ELAVL2: variants seen among roughly 807,000 people sequenced by gnomAD.
The protein encoded by ELAVL2 is ELAV-like protein 2.
Under a neutral mutation model 34.6 loss-of-function variants are expected in ELAVL2, and 4 were observed. The ratio of observed to expected loss-of-function variants is 0.12; its 90% CI spans 0.06 to 0.26. ELAVL2 has a LOEUF of 0.26. Ranked by LOEUF, ELAVL2 falls within the 10% of genes least tolerant of loss-of-function variation. The probability of loss-of-function intolerance (pLI) is 1.00; values close to 1 mark genes in which losing one functional copy is unlikely to be tolerated. For missense variants in ELAVL2, 432 were observed against 442.8 expected (o/e 0.98, Z 0.22); for synonymous variants, 193 against 154.8 (o/e 1.25, Z -1.83).
chr9:23,716,914 G>T (rs1238030742), intron 3 of ELAVL2, among the ~76,000 whole-genome samples: 1 of 152,176 alleles, frequency 6.6e-6, no homozygotes, highest in Non-Finnish European at 1.5e-5. Context: ...TGAGTTGAGG[G>T]CAGAGTCTAG....
chr9:23,726,268 A>G, intron 3 of ELAVL2, among the ~76,000 whole-genome samples: 1 of 152,288 alleles, frequency 6.6e-6, no homozygotes, highest in East Asian at 1.9e-4. Context: ...TTTTTATAAT[A>G]GAATTTTCCA....
intron 1 of ELAVL2, among the ~76,000 whole-genome samples, chr9:23,784,667 CTTTTT>C (rs1428174768): frequency 6.6e-6 from 1 of 152,152 alleles, no homozygotes; most frequent in Non-Finnish European, 1.5e-5. Flanking sequence ...TCAACCATTC[CTTTTT>C]ATCAAATGAA....
chr9:23,784,002 G>T (rs973490449), intron 1 of ELAVL2, among the ~76,000 whole-genome samples: 10 of 151,962 alleles, frequency 6.6e-5, no homozygotes, highest in African/African-American at 2.4e-4. Context: ...AGACCATCCT[G>T]GCTAACACGG....
At chr9:23,765,097 C>T (rs1394706648) in intron 1 of ELAVL2, 16 of 1,596,108 alleles carry the variant, frequency 1.0e-5, no homozygotes, top group Admixed American at 5.6e-5. Context: ...TTGGAGTTGC[C>T]GTCTGCAATA....
chr9:23,834,790 T>G, the ELAVL2 span, among the ~76,000 whole-genome samples: 1 of 152,058 alleles, frequency 6.6e-6, no homozygotes. Context: ...GTTATGTGAC[T>G]TCAATATATT....
At chr9:23,707,248 G>A (rs1185277430) in intron 3 of ELAVL2, among the ~76,000 whole-genome samples, 1 of 152,174 alleles carries the variant, frequency 6.6e-6, no homozygotes, top group Non-Finnish European at 1.5e-5. Flanking sequence ...ATGAAACAAG[G>A]CCAATGAATT....
intron 1 of ELAVL2, among the ~76,000 whole-genome samples, chr9:23,780,462 A>G (rs2058910668): frequency 6.6e-6 from 1 of 152,224 alleles, no homozygotes; most frequent in African/African-American, 2.4e-5. Flanking sequence ...GAAAGTTTAT[A>G]ATATTGAATC....
chr9:23,829,254 AG>A (rs1352315340), upstream of ELAVL2, among the ~76,000 whole-genome samples: 2 of 152,204 alleles, frequency 1.3e-5, no homozygotes, highest in African/African-American at 2.4e-5. Flanking sequence ...AAACCGAAAA[AG>A]TCATGAATTT....
At chr9:23,708,142 GTA>G (rs1251311974) in intron 3 of ELAVL2, among the ~76,000 whole-genome samples, 1 of 152,020 alleles carries the variant, frequency 6.6e-6, no homozygotes, top group Non-Finnish European at 1.5e-5. Context: ...CTCAAAAACA[GTA>G]TCTTTCAGTG....
chr9:23,796,739 A>AT (rs1374252451), intron 1 of ELAVL2, among the ~76,000 whole-genome samples: 1 of 152,030 alleles, frequency 6.6e-6, no homozygotes, highest in Non-Finnish European at 1.5e-5. Context: ...TAGCTCTATA[A>AT]TTTTTTTTCA....
chr9:23,794,778 A>G (rs1232069081), intron 1 of ELAVL2, among the ~76,000 whole-genome samples: 1 of 152,178 alleles, frequency 6.6e-6, no homozygotes, highest in Non-Finnish European at 1.5e-5. Flanking sequence ...TGCTCCCTAC[A>G]ATCTGGGAAG....
At chr9:23,722,301 T>C (rs957521889) in intron 3 of ELAVL2, among the ~76,000 whole-genome samples, 2 of 152,244 alleles carry the variant, frequency 1.3e-5, no homozygotes, top group African/African-American at 4.8e-5. Flanking sequence ...GAAGAATGCG[T>C]AGCTGCCTAA....
At chr9:23,827,029 G>T (rs2065338229), upstream of ELAVL2, among the ~76,000 whole-genome samples, 1 of 152,174 alleles carries the variant, frequency 6.6e-6, no homozygotes, top group African/African-American at 2.4e-5. Context: ...TGTTAGAATA[G>T]AAAAGTGTAG....
intron 1 of ELAVL2, among the ~76,000 whole-genome samples, chr9:23,777,658 G>A (rs557599944): frequency 4.5e-4 from 68 of 152,220 alleles, no homozygotes; most frequent in Non-Finnish European, 7.2e-4. Context: ...GTAGAAGCAA[G>A]AACGGTAAAT....
intron 2 of ELAVL2, among the ~76,000 whole-genome samples, chr9:23,752,185 C>T (rs1210259630): frequency 6.6e-6 from 1 of 152,110 alleles, no homozygotes; most frequent in Non-Finnish European, 1.5e-5. Context: ...GAGACAGTAC[C>T]CCTGTGTGCT....
Position 23,796,529 on chromosome 9 carries a change from G to A in ELAVL2, c.-16+29277C>T, listed in dbSNP as rs138091859. 1.2e-4 allele frequency among the ~76,000 whole-genome samples: 18 copies of A among 152,270 alleles called. 1 individual carries two copies. Among genetic ancestry groups the A allele is most frequent in the African/African-American group, 2.2e-4 (9 of 41,550 alleles). ...GGCAAAAACAGCTTCACACTCTAAC[G>A]GTAAACCCACAAAATTGCCAGATTA... On this transcript the variant is annotated intron_variant, in intron 1 of 6. Coordinates refer to ENST00000397312, the MANE Select transcript of ELAVL2 (RefSeq NM_004432.5).
At chr9:23,725,379 C>G (rs1487828068) in intron 3 of ELAVL2, among the ~76,000 whole-genome samples, 3 of 152,108 alleles carry the variant, frequency 2.0e-5, no homozygotes, top group African/African-American at 7.2e-5. Flanking sequence ...AACTTCCATG[C>G]CCTACTAAAG....
At chr9:23,739,770 C>T (rs2048717355) in intron 2 of ELAVL2, among the ~76,000 whole-genome samples, 1 of 149,886 alleles carries the variant, frequency 6.7e-6, no homozygotes, top group Admixed American at 6.8e-5. Context: ...CAAACATGCA[C>T]TCTTGCCTGT....
chr9:23,776,687 G>A lies in ELAVL2; in HGVS notation c.-15-14438C>T, dbSNP rs77036229. ...CACACAAGGAAACCTTTAAGAACCC[G>A]CAGCCAGAAATAATCCCTTCTCTAC... On this transcript the variant is annotated intron_variant, in intron 1 of 6. Coordinates refer to ENST00000397312, the MANE Select transcript of ELAVL2 (RefSeq NM_004432.5). Among the ~76,000 whole-genome samples, 95 of 140,992 alleles carry A rather than the reference G, an allele frequency of 6.7e-4. 2 individuals carry two copies. In the East Asian group the frequency reaches 0.014, roughly 20 times the overall value. The allele number at this position is 140,992 out of a possible 152,430, so 92.5% of individuals were successfully genotyped here. A position where few individuals can be genotyped will look rare whatever the true frequency, so the allele number is the denominator to read the frequency against.
Sources: gnomAD v4.1 joint callset for allele counts (sites outside exome capture counted in the v4.1 genomes callset) on GRCh38, gnomAD v4.1.1 for gene constraint, MANE v1.5 for transcripts, NCBI Gene and HGNC (gene_info 2026-07-23, HGNC 2026-07-21) for gene names.